NHEJ1: variants seen among roughly 807,000 people sequenced by gnomAD.
NHEJ1 encodes non-homologous end-joining factor 1.
Under a neutral mutation model 39.4 loss-of-function variants are expected in NHEJ1, and 22 were observed. The observed-to-expected ratio is 0.56, with a 90% CI of 0.40 to 0.80. NHEJ1 has a LOEUF of 0.80. Among genes scored for constraint, NHEJ1 ranks in the 30% least tolerant of loss-of-function variants. The pLI, the probability that NHEJ1 is intolerant of heterozygous loss-of-function variation, is 0.00. For missense variants in NHEJ1, 329 were observed against 357.1 expected, an observed-to-expected ratio of 0.92 and a Z score of 0.63; for synonymous variants, 154 against 135.6, an observed-to-expected ratio of 1.14 and a Z score of -0.94.
At chr2:219,088,615 C>G (rs1949133014) in intron 5 of NHEJ1, among the ~76,000 whole-genome samples, 3 of 152,048 alleles carry the variant, frequency 2.0e-5, no homozygotes, top group Admixed American at 2.0e-4. Flanking sequence ...TATTAGAAGT[C>G]AGGATAGTGT....
chr2:219,137,500 C>T (rs1417380277), intron 5 of NHEJ1, among the ~76,000 whole-genome samples: 4 of 135,440 alleles, frequency 3.0e-5, no homozygotes, highest in Admixed American at 8.3e-5. Context: ...TGTGTCCCCA[C>T]TTGAGAATCA....
chr2:219,129,349 G>A (rs934879034), intron 5 of NHEJ1, among the ~76,000 whole-genome samples: 1 of 152,194 alleles, frequency 6.6e-6, no homozygotes, highest in Non-Finnish European at 1.5e-5. Context: ...CAGAGTAAGA[G>A]TCTCAACTCT....
intron 5 of NHEJ1, among the ~76,000 whole-genome samples, chr2:219,130,869 G>A (rs748105584): frequency 2.0e-5 from 3 of 152,020 alleles, no homozygotes; most frequent in Non-Finnish European, 2.9e-5. Context: ...CAGGAGGATC[G>A]CTTGAGGCCA....
At chr2:219,106,416 G>A (rs924929674) in intron 5 of NHEJ1, among the ~76,000 whole-genome samples, 2 of 152,182 alleles carry the variant, frequency 1.3e-5, no homozygotes, top group African/African-American at 4.8e-5. Flanking sequence ...CTGGGAGAGT[G>A]TAAACACCCA....
chr2:219,094,433 C>G (rs2106329324), intron 5 of NHEJ1, among the ~76,000 whole-genome samples: 1 of 152,232 alleles, frequency 6.6e-6, no homozygotes, highest in Middle Eastern at 3.4e-3. Flanking sequence ...GCAGAGGAGT[C>G]AAGATAGGCT....
chr2:219,105,780 C>T (rs1464582161), intron 5 of NHEJ1, among the ~76,000 whole-genome samples: 1 of 152,188 alleles, frequency 6.6e-6, no homozygotes, highest in African/African-American at 2.4e-5. Flanking sequence ...AATCCTCCCT[C>T]CTTCAAATGG....
chr2:219,114,956 C>A (rs1350057419), intron 5 of NHEJ1, among the ~76,000 whole-genome samples: 2 of 152,138 alleles, frequency 1.3e-5, no homozygotes, highest in Non-Finnish European at 2.9e-5. Flanking sequence ...TGTTAAAACA[C>A]ACAAAACTCC....
intron 3 of NHEJ1, 58 bp downstream of exon 3, chr2:219,157,414 G>C: frequency 6.8e-7 from 1 of 1,469,878 alleles, no homozygotes; most frequent in Non-Finnish European, 9.5e-7. Flanking sequence ...AGCACCTAAA[G>C]CTTCCTCTCA....
chr2:219,118,690 G>A (rs1035398083), intron 5 of NHEJ1, among the ~76,000 whole-genome samples: 1 of 152,206 alleles, frequency 6.6e-6, no homozygotes, highest in African/African-American at 2.4e-5. Context: ...GAACCAAAGG[G>A]GCCACAGGGG....
chr2:219,080,034 C>T (rs2106321271), intron 5 of NHEJ1, among the ~76,000 whole-genome samples: 1 of 152,280 alleles, frequency 6.6e-6, no homozygotes, highest in East Asian at 1.9e-4. Context: ...TCAGGGCGAC[C>T]TTCACTCAGC....
At chr2:219,088,667 CAG>C (rs1574705121) in intron 5 of NHEJ1, among the ~76,000 whole-genome samples, 1 of 152,030 alleles carries the variant, frequency 6.6e-6, no homozygotes, top group Non-Finnish European at 1.5e-5. Context: ...TGGTAGATAA[CAG>C]GGGGGTACTT....
intron 5 of NHEJ1, among the ~76,000 whole-genome samples, chr2:219,080,388 G>T (rs747134674): frequency 6.6e-6 from 1 of 151,896 alleles, no homozygotes; most frequent in Non-Finnish European, 1.5e-5. Context: ...AGCCGGGCAC[G>T]GTGGTGGGCG....
chr2:219,149,413 C>T (rs1192576971), intron 3 of NHEJ1, among the ~76,000 whole-genome samples: 3 of 151,888 alleles, frequency 2.0e-5, no homozygotes, highest in Non-Finnish European at 4.4e-5. Flanking sequence ...TCCAAGAGTT[C>T]GAGTCCAGCC....
At chr2:219,137,040 TAAAG>T (rs1282261101) in intron 5 of NHEJ1, among the ~76,000 whole-genome samples, 3 of 56,746 alleles carry the variant, frequency 5.3e-5, no homozygotes, top group East Asian at 7.8e-4. Flanking sequence ...AAAAGGAAAA[TAAAG>T]AAAGAGGTCT....
chr2:219,122,630 C>T (rs2106346001), intron 5 of NHEJ1, among the ~76,000 whole-genome samples: 1 of 152,242 alleles, frequency 6.6e-6, no homozygotes, highest in South Asian at 2.1e-4. Flanking sequence ...TTTCTCCTGG[C>T]CCAGACATTT....
At chr2:219,152,789 T>TTTTTTTTATTTATTTATTTATTTATTTA (rs1553548971) in intron 3 of NHEJ1, among the ~76,000 whole-genome samples, 6 of 87,736 alleles carry the variant, frequency 6.8e-5, no homozygotes, top group Admixed American at 4.4e-4. Flanking sequence ...ATTTATTTAT[T>TTTTTTTTATTTATTTATTTATTTATTTA]TTTATTTATT....
chr2:219,080,608 T>A (rs540557825), intron 5 of NHEJ1, among the ~76,000 whole-genome samples: 1 of 123,724 alleles, frequency 8.1e-6, no homozygotes, highest in African/African-American at 2.6e-5. Flanking sequence ...TGCTAATATA[T>A]ATAAGCTTAT....
intron 5 of NHEJ1, among the ~76,000 whole-genome samples, chr2:219,112,536 T>A (rs1949375189): frequency 6.6e-6 from 1 of 152,074 alleles, no homozygotes; most frequent in Non-Finnish European, 1.5e-5. Flanking sequence ...GCCTTGAACT[T>A]GTAAAAGTCT....
chr2:219,159,592 T>TGC (rs1553549894), intron 1 of NHEJ1, among the ~76,000 whole-genome samples: 5 of 94,022 alleles, frequency 5.3e-5, no homozygotes, highest in Admixed American at 1.1e-4. Context: ...TATATGCATA[T>TGC]ATATATATGC....
Sources: allele counts gnomAD v4.1 joint callset (sites outside exome capture counted in the v4.1 genomes callset), GRCh38; gene constraint gnomAD v4.1.1; transcripts MANE v1.5; gene names NCBI Gene and HGNC (gene_info 2026-07-23, HGNC 2026-07-21).